IL1R1: variants seen among roughly 807,000 people sequenced by gnomAD.
The protein encoded by IL1R1 is interleukin-1 receptor type 1.
Under a neutral mutation model 50.2 loss-of-function variants are expected in IL1R1, and 22 were observed. The ratio of observed to expected loss-of-function variants is 0.44; its 90% CI spans 0.31 to 0.63. The LOEUF is 0.63. Ranked by LOEUF, IL1R1 falls within the 20% of genes least tolerant of loss-of-function variation. The probability of loss-of-function intolerance (pLI) is 0.07; values close to 1 mark genes in which losing one functional copy is unlikely to be tolerated. For missense variants in IL1R1, 509 were observed against 676.2 expected (o/e 0.75, Z 2.74); for synonymous variants, 251 against 236.7 (o/e 1.06, Z -0.55).
chr2:102,159,280 A>C (rs568184374), intron 3 of IL1R1, among the ~76,000 whole-genome samples: 17 of 152,342 alleles, frequency 1.1e-4, no homozygotes, highest in Admixed American at 4.6e-4. Flanking sequence ...GTTAGGAAAG[A>C]TAAGAACTTT....
chr2:102,105,585 C>T (rs955736523), intron 1 of IL1R1, among the ~76,000 whole-genome samples: 8 of 152,258 alleles, frequency 5.3e-5, no homozygotes, highest in South Asian at 2.1e-4. Flanking sequence ...AGGATGGTCT[C>T]GATCTCCTGA....
chr2:102,114,311 G>A (rs989585930), intron 1 of IL1R1, among the ~76,000 whole-genome samples: 4 of 152,224 alleles, frequency 2.6e-5, no homozygotes, highest in Non-Finnish European at 4.4e-5. Flanking sequence ...AACACACTGC[G>A]TGGAATGCAT....
At chr2:102,169,039 T>C (rs1051714326) in intron 7 of IL1R1, among the ~76,000 whole-genome samples, 1 of 151,986 alleles carries the variant, frequency 6.6e-6, no homozygotes, top group Non-Finnish European at 1.5e-5. Context: ...GCTGTAAAAG[T>C]GAATCAATAC....
At chr2:102,172,890 C>A in intron 9 of IL1R1, 52 bp downstream of exon 9, 1 of 1,351,052 alleles carries the variant, frequency 7.4e-7, no homozygotes, top group Non-Finnish European at 1.0e-6. Context: ...AGTAAGATTC[C>A]ATGACTTTGA....
chr2:102,129,416 A>G (rs1305688576), intron 1 of IL1R1, among the ~76,000 whole-genome samples: 1 of 152,200 alleles, frequency 6.6e-6, no homozygotes, highest in Non-Finnish European at 1.5e-5. Context: ...GGTGCTTGAA[A>G]TCTAGAAATT....
chr2:102,163,372 C>T (rs1224041870), intron 3 of IL1R1, among the ~76,000 whole-genome samples: 33 of 151,978 alleles, frequency 2.2e-4, no homozygotes, highest in Admixed American at 2.2e-3. Flanking sequence ...TGAAGTTGTC[C>T]TAAGTAAAAT....
chr2:102,144,005 A>C (rs564649996), intron 1 of IL1R1, among the ~76,000 whole-genome samples: 9 of 152,208 alleles, frequency 5.9e-5, no homozygotes, highest in Admixed American at 5.9e-4. Context: ...TGGACATTGA[A>C]TGTATGAAAC....
intron 1 of IL1R1, among the ~76,000 whole-genome samples, chr2:102,076,722 T>G (rs145644942): frequency 1.0e-3 from 159 of 152,280 alleles, no homozygotes; most frequent in African/African-American, 3.5e-3. Context: ...GCTTTTAAGA[T>G]TTTCTCTTTA....
intron 1 of IL1R1, among the ~76,000 whole-genome samples, chr2:102,134,687 A>G (rs921437686): frequency 1.3e-5 from 2 of 152,100 alleles, no homozygotes; most frequent in African/African-American, 4.8e-5. Context: ...CTGCATCACT[A>G]CTTTCAAGAA....
chr2:102,109,571 A>G (rs4850999), intron 1 of IL1R1, among the ~76,000 whole-genome samples: 20,545 of 152,104 alleles, frequency 0.14, 1,613 homozygotes, highest in East Asian at 0.37. Flanking sequence ...GTTCTACTGC[A>G]TTTGGAGGTG....
chr2:102,071,775 T>C (rs1368095746), intron 1 of IL1R1, among the ~76,000 whole-genome samples: 1 of 152,146 alleles, frequency 6.6e-6, no homozygotes, highest in African/African-American at 2.4e-5. Context: ...GAGGGAGAAA[T>C]GCCATGCCTT....
chr2:102,098,594 G>A (rs551171808), intron 1 of IL1R1, among the ~76,000 whole-genome samples: 1 of 152,200 alleles, frequency 6.6e-6, no homozygotes, highest in African/African-American at 2.4e-5. Context: ...CTATTTAATT[G>A]CATAGTACAC....
intron 1 of IL1R1, among the ~76,000 whole-genome samples, chr2:102,075,856 G>A (rs1366638695): frequency 2.0e-5 from 3 of 152,212 alleles, no homozygotes; most frequent in Non-Finnish European, 4.4e-5. Flanking sequence ...TTGGCTTTAA[G>A]ATGATCAATC....
intron 1 of IL1R1, among the ~76,000 whole-genome samples, chr2:102,078,562 TCACACACACACACACACA>T (rs35407722): frequency 9.6e-6 from 1 of 104,114 alleles, no homozygotes; most frequent in African/African-American, 3.4e-5. Context: ...TCAAAAAACT[TCACACACACACACACACA>T]CACACACACA....
upstream of IL1R1, among the ~76,000 whole-genome samples, chr2:102,139,819 G>A (rs1406463787): frequency 6.6e-6 from 1 of 152,202 alleles, no homozygotes; most frequent in Non-Finnish European, 1.5e-5. Context: ...GCAGTGCCAT[G>A]CTTCCTGTAT....
In IL1R1 at chr2:102,175,121, G is replaced by GA. The variant is rs35411886; in HGVS notation, c.1136-345dup. Among the ~76,000 whole-genome samples, 620 of 134,002 alleles carry GA rather than the reference G, an allele frequency of 4.6e-3. 2 individuals are homozygous for GA. The highest frequency in any genetic ancestry group is 6.4e-3 in the African/African-American group (241 of 37,886). 87.9% of individuals were successfully genotyped at this position (134,002 alleles called of 152,430 possible). On this transcript the variant is annotated intron_variant, in intron 10 of 11. Transcript: ENST00000410023. ...TCTCTCTCCTTTGTTTAAACTTTGC[G>GA]AAAAAAAAAAAAGGAATACCACAAT... is the stretch of plus-strand genomic sequence containing the variant.
intron 1 of IL1R1, among the ~76,000 whole-genome samples, chr2:102,084,225 C>T (rs1384900623): frequency 1.4e-4 from 22 of 152,136 alleles, no homozygotes; most frequent in Non-Finnish European, 4.4e-5. Context: ...AAAGACAGCC[C>T]GTTGACATCT....
intron 1 of IL1R1, among the ~76,000 whole-genome samples, chr2:102,114,481 T>C (rs1680957197): frequency 6.6e-6 from 1 of 152,166 alleles, no homozygotes; most frequent in African/African-American, 2.4e-5. Flanking sequence ...AAAAGTCTCA[T>C]GTGAACCTGC....
At position 102,091,890 on chromosome 2, in the gene IL1R1, G is replaced by A. The variant is rs1368997457; in HGVS notation, c.-84+21357G>A. Reference sequence around the variant, plus strand: ...AAGAACATGCAAAATTTGTCTTTCTGTGTCTGCCTTGTTCCACTTAATGTA... The same window carrying A: ...AAGAACATGCAAAATTTGTCTTTCTATGTCTGCCTTGTTCCACTTAATGTA... On this transcript the variant is annotated intron_variant, in intron 1 of 11. Coordinates refer to the IL1R1 transcript ENST00000409929. Among the ~76,000 whole-genome samples the A allele has an allele frequency of 2.0e-5, 3 of 152,144 alleles. No homozygotes were observed. The East Asian group carries it at 5.8e-4, about 29-fold the overall frequency.
Sources: allele counts gnomAD v4.1 joint callset (sites outside exome capture counted in the v4.1 genomes callset), GRCh38; gene constraint gnomAD v4.1.1; transcripts MANE v1.5; gene names NCBI Gene and HGNC (gene_info 2026-07-23, HGNC 2026-07-21).